GALNT13: variants seen among roughly 807,000 people sequenced by gnomAD.
GALNT13 encodes the protein UDP-GalNAc:polypeptide N-acetylgalactosaminyltransferase 13.
Under a neutral mutation model 64.2 loss-of-function variants are expected in GALNT13, and 28 were observed. The ratio of observed to expected loss-of-function variants is 0.44; its 90% CI spans 0.32 to 0.60. The LOEUF is 0.60. Among genes scored for constraint, GALNT13 ranks in the 20% least tolerant of loss-of-function variants. The pLI, the probability that GALNT13 is intolerant of heterozygous loss-of-function variation, is 0.05. For missense variants in GALNT13, 577 were observed against 669.8 expected (o/e 0.86, Z 1.53); for synonymous variants, 214 against 224.6 (o/e 0.95, Z 0.42).
the GALNT13 span, among the ~76,000 whole-genome samples, chr2:153,550,023 G>A: frequency 6.6e-6 from 1 of 152,066 alleles, no homozygotes; most frequent in Admixed American, 6.5e-5. Context: ...AGGTCCAAAT[G>A]CACACCTGAT....
chr2:153,420,261 T>C, the GALNT13 span, among the ~76,000 whole-genome samples: 34,358 of 152,036 alleles, frequency 0.23, 4,137 homozygotes, highest in Non-Finnish European at 0.25. Flanking sequence ...TTATGTTATA[T>C]GTATTTTTAC....
the GALNT13 span, among the ~76,000 whole-genome samples, chr2:153,194,153 G>A: frequency 6.6e-5 from 10 of 152,066 alleles, no homozygotes; most frequent in Non-Finnish European, 7.4e-5. Flanking sequence ...GACTTAGGAA[G>A]TTTCCAGGTA....
intron 2 of GALNT13, among the ~76,000 whole-genome samples, chr2:153,915,737 GT>G (rs1689288944): frequency 1.3e-5 from 2 of 152,048 alleles, no homozygotes; most frequent in Non-Finnish European, 2.9e-5. Flanking sequence ...ATCCACAAGA[GT>G]TTTCCAGTAG....
the GALNT13 span, among the ~76,000 whole-genome samples, chr2:153,687,012 C>A: frequency 2.0e-5 from 3 of 151,852 alleles, no homozygotes; most frequent in African/African-American, 7.3e-5. Flanking sequence ...GGTGGATAAG[C>A]CTTTTGATGG....
the GALNT13 span, among the ~76,000 whole-genome samples, chr2:153,647,246 G>C: frequency 6.6e-6 from 1 of 152,144 alleles, no homozygotes; most frequent in African/African-American, 2.4e-5. Context: ...GTATCTGTTG[G>C]CTGCATAAAT....
At chr2:153,747,725 C>A in the GALNT13 span, among the ~76,000 whole-genome samples, 5 of 152,052 alleles carry the variant, frequency 3.3e-5, no homozygotes, top group African/African-American at 1.2e-4. Flanking sequence ...CTGCACCTGA[C>A]CCAATTGTTT....
chr2:153,754,756 T>G, the GALNT13 span, among the ~76,000 whole-genome samples: 3 of 152,110 alleles, frequency 2.0e-5, no homozygotes, highest in Non-Finnish European at 2.9e-5. Flanking sequence ...AGGACTCACC[T>G]AAAAGTTGTA....
the GALNT13 span, among the ~76,000 whole-genome samples, chr2:153,324,323 G>A: frequency 1.4e-4 from 21 of 152,246 alleles, no homozygotes; most frequent in East Asian, 3.1e-3. Flanking sequence ...AGGAATGCTT[G>A]TGATTTTTGC....
chr2:153,199,361 C>T, the GALNT13 span, among the ~76,000 whole-genome samples: 1 of 152,134 alleles, frequency 6.6e-6, no homozygotes, highest in African/African-American at 2.4e-5. Flanking sequence ...ATGCATTATC[C>T]CTCACTCATC....
chr2:154,405,603 A>AT (rs35111475), intron 10 of GALNT13, among the ~76,000 whole-genome samples: 2 of 149,464 alleles, frequency 1.3e-5, no homozygotes, highest in Non-Finnish European at 3.0e-5. Flanking sequence ...AAAAAAAAAA[A>AT]TTTGACCAGG....
the GALNT13 span, among the ~76,000 whole-genome samples, chr2:153,633,728 A>G: frequency 6.6e-6 from 1 of 152,186 alleles, no homozygotes; most frequent in South Asian, 2.1e-4. Flanking sequence ...GCGTATTTTC[A>G]GAATTCCCCA....
intron 3 of GALNT13, among the ~76,000 whole-genome samples, chr2:154,072,195 C>T (rs915840256): frequency 2.0e-5 from 3 of 151,992 alleles, no homozygotes; most frequent in African/African-American, 4.8e-5. Flanking sequence ...TATTTTGATG[C>T]GGATAGCCAA....
the GALNT13 span, among the ~76,000 whole-genome samples, chr2:153,685,515 A>T: frequency 2.6e-5 from 4 of 151,232 alleles, no homozygotes. Context: ...GGGGTTGTTT[A>T]TTTTTTTCTT....
intron 11 of GALNT13, among the ~76,000 whole-genome samples, chr2:154,426,180 A>G (rs2105436829): frequency 6.6e-6 from 1 of 152,242 alleles, no homozygotes; most frequent in Middle Eastern, 3.4e-3. Context: ...AGTTCCTTGC[A>G]GCTGTAAGAC....
chr2:154,152,807 T>C (rs1049260354), intron 4 of GALNT13, among the ~76,000 whole-genome samples: 2 of 152,192 alleles, frequency 1.3e-5, no homozygotes, highest in East Asian at 1.9e-4. Flanking sequence ...CTTCTCTGTA[T>C]TGGTTATTCT....
the GALNT13 span, among the ~76,000 whole-genome samples, chr2:153,476,197 G>A: frequency 2.7e-4 from 41 of 152,300 alleles, no homozygotes; most frequent in Admixed American, 2.0e-3. Context: ...ACTTGAGAGC[G>A]AAATGGACAC....
chr2:153,827,018 TAAA>T, the GALNT13 span, among the ~76,000 whole-genome samples: 1 of 152,068 alleles, frequency 6.6e-6, no homozygotes, highest in Non-Finnish European at 1.5e-5. Context: ...ACACAGCTGA[TAAA>T]AACCTACCTG....
the GALNT13 span, among the ~76,000 whole-genome samples, chr2:153,560,032 T>C: frequency 1.0e-3 from 153 of 152,194 alleles, no homozygotes; most frequent in African/African-American, 3.6e-3. Flanking sequence ...TCATATAATT[T>C]AGGCCAGTAG....
chr2:153,555,999 G>A, the GALNT13 span, among the ~76,000 whole-genome samples: 1 of 152,156 alleles, frequency 6.6e-6, no homozygotes, highest in African/African-American at 2.4e-5. Context: ...TATTATAATG[G>A]TTGCAAATGG....
Sources: allele counts gnomAD v4.1 joint callset (sites outside exome capture counted in the v4.1 genomes callset), GRCh38; gene constraint gnomAD v4.1.1; transcripts MANE v1.5; gene names NCBI Gene and HGNC (gene_info 2026-07-23, HGNC 2026-07-21).